GRIK4: variants seen among roughly 807,000 people sequenced by gnomAD.
GRIK4 encodes the protein glutamate ionotropic receptor kainate type subunit 4.
A neutral mutation model predicts 104.9 loss-of-function variants in GRIK4; 40 were observed. The ratio of observed to expected loss-of-function variants is 0.38; its 90% CI spans 0.30 to 0.50. GRIK4 has a LOEUF of 0.50. GRIK4 is among the 20% of genes least tolerant of loss of function. The pLI, the probability that GRIK4 is intolerant of heterozygous loss-of-function variation, is 0.93. For synonymous variants in GRIK4, 485 were observed against 524.9 expected (o/e 0.92, Z 1.04); for missense variants, 1,047 against 1,308.1 (o/e 0.80, Z 3.08).
At chr11:120,744,497 T>C (rs1398202640) in intron 3 of GRIK4, among the ~76,000 whole-genome samples, 2 of 152,198 alleles carry the variant, frequency 1.3e-5, no homozygotes, top group Non-Finnish European at 2.9e-5. Context: ...ACAGGAGTAA[T>C]GTTGACTGCC....
chr11:120,611,003 C>T (rs536597639), intron 1 of GRIK4, among the ~76,000 whole-genome samples: 5 of 152,276 alleles, frequency 3.3e-5, no homozygotes, highest in African/African-American at 7.2e-5. Context: ...CATGTCCTGT[C>T]GTTTTCAACA....
chr11:120,733,351 G>GC (rs1951170792), intron 3 of GRIK4, among the ~76,000 whole-genome samples: 1 of 121,936 alleles, frequency 8.2e-6, no homozygotes, highest in South Asian at 3.2e-4. Context: ...AATTACTCCT[G>GC]CCATTTTGTT....
intron 3 of GRIK4, among the ~76,000 whole-genome samples, chr11:120,738,511 G>C (rs896471685): frequency 2.6e-5 from 4 of 152,224 alleles, no homozygotes; most frequent in Non-Finnish European, 5.9e-5. Flanking sequence ...TACATGGTGT[G>C]TTCTGCTGAA....
intron 13 of GRIK4, among the ~76,000 whole-genome samples, chr11:120,912,980 T>C (rs1451371512): frequency 6.6e-6 from 1 of 152,178 alleles, no homozygotes; most frequent in Non-Finnish European, 1.5e-5. Flanking sequence ...CAGGCAAGTA[T>C]CTGTCTGGGC....
At chr11:120,523,326 G>C (rs116379846) in intron 1 of GRIK4, among the ~76,000 whole-genome samples, 1 of 151,912 alleles carries the variant, frequency 6.6e-6, no homozygotes, top group Admixed American at 6.6e-5. Flanking sequence ...TCTGAGTAGC[G>C]GAAGTCAGCT....
intron 1 of GRIK4, among the ~76,000 whole-genome samples, chr11:120,587,223 G>A (rs1948677280): frequency 6.6e-6 from 1 of 152,230 alleles, no homozygotes; most frequent in Admixed American, 6.5e-5. Flanking sequence ...AAGGGGAACT[G>A]GAATGAAAAG....
intron 3 of GRIK4, among the ~76,000 whole-genome samples, chr11:120,701,895 T>A (rs992069662): frequency 6.6e-6 from 1 of 151,364 alleles, no homozygotes; most frequent in Non-Finnish European, 1.5e-5. Context: ...AATTTCTTGA[T>A]GGTCTGGATA....
At chr11:120,585,781 C>G (rs1420500551) in intron 1 of GRIK4, among the ~76,000 whole-genome samples, 3 of 149,744 alleles carry the variant, frequency 2.0e-5, no homozygotes, top group Non-Finnish European at 4.4e-5. Flanking sequence ...GTTGAAAAGT[C>G]TATCCTTCCT....
chr11:120,621,312 C>T (rs1207395513), intron 1 of GRIK4, among the ~76,000 whole-genome samples: 1 of 152,122 alleles, frequency 6.6e-6, no homozygotes, highest in African/African-American at 2.4e-5. Context: ...CCTGCAAGGC[C>T]CCCTGCTAGA....
At chr11:120,543,442 G>T (rs544738519) in intron 1 of GRIK4, among the ~76,000 whole-genome samples, 1 of 152,136 alleles carries the variant, frequency 6.6e-6, no homozygotes, top group South Asian at 2.1e-4. Context: ...CGGGGATGGT[G>T]GTGTGTGCCT....
chr11:120,898,351 G>T (rs527815290), intron 11 of GRIK4, among the ~76,000 whole-genome samples, 181 bp from the exon 12 acceptor site: 1 of 140,184 alleles, frequency 7.1e-6, no homozygotes, highest in African/African-American at 2.7e-5. Flanking sequence ...TACAGCCCCC[G>T]TTTCCCTCAG....
At position 120,905,914 on chromosome 11, in the gene GRIK4, C is replaced by T. The variant is rs945347344; in HGVS notation, c.1476+421C>T. ...CCTTGAGAGACACTGCCAAGGGAGA[C>T]GTGGCTAAATAACAGGGCAAAGGGA... On this transcript the variant is annotated intron_variant, in intron 13 of 20. Coordinates refer to ENST00000527524, the MANE Select transcript of GRIK4 (RefSeq NM_014619.5). This position sits in a 1 kb window ranked among gnomAD's most constrained non-coding sequence, Gnocchi z 5.1. Among the ~76,000 whole-genome samples, 2 of 152,206 alleles carry T rather than the reference C, an allele frequency of 1.3e-5. No individual in the cohort carries two copies. Among genetic ancestry groups the T allele is most frequent in the African/African-American group, 4.8e-5 (2 of 41,448 alleles).
At chr11:120,803,622 G>A (rs1325849747) in intron 4 of GRIK4, among the ~76,000 whole-genome samples, 2 of 152,172 alleles carry the variant, frequency 1.3e-5, no homozygotes, top group Non-Finnish European at 2.9e-5. Flanking sequence ...ATTTTTAGGA[G>A]AGATGGGGTT....
chr11:120,714,135 G>C (rs772816521), intron 3 of GRIK4, among the ~76,000 whole-genome samples: 5 of 152,176 alleles, frequency 3.3e-5, no homozygotes, highest in Non-Finnish European at 7.3e-5. Context: ...TGAGGACTTA[G>C]CTGTGTTGAG....
At chr11:120,974,280 G>C (rs141486023) in intron 19 of GRIK4, among the ~76,000 whole-genome samples, 168 of 152,278 alleles carry the variant, frequency 1.1e-3, no homozygotes, top group African/African-American at 3.9e-3. Flanking sequence ...ACTGAACAGA[G>C]GGCAGTAGTT....
At chr11:120,684,500 C>A (rs182939197) in intron 3 of GRIK4, among the ~76,000 whole-genome samples, 1 of 152,138 alleles carries the variant, frequency 6.6e-6, no homozygotes, top group African/African-American at 2.4e-5. Context: ...GGAGACAATA[C>A]GAACACACAT....
At chr11:120,824,097 C>T (rs1953193156) in intron 6 of GRIK4, among the ~76,000 whole-genome samples, 1 of 152,266 alleles carries the variant, frequency 6.6e-6, no homozygotes, top group South Asian at 2.1e-4. Context: ...ATTTTCCAGC[C>T]ATGAAAATTA....
rs548159583 is a variant in GRIK4, at chr11:120,785,787, A to G, written c.83-16906A>G. On this transcript the variant is annotated intron_variant, in intron 3 of 20. Coordinates refer to ENST00000527524, the MANE Select transcript of GRIK4 (RefSeq NM_014619.5). ...TTCTCTGCAGCGCCTGAGCAGCTTG[A>G]TTCTGTGCATGCCTCCGCGTCTCCA... is the stretch of plus-strand genomic sequence containing the variant. Among the ~76,000 whole-genome samples, 234 of 152,212 alleles carry G rather than the reference A, an allele frequency of 1.5e-3. 1 individual carries two copies. The highest frequency in any genetic ancestry group is 5.4e-3 in the African/African-American group (223 of 41,516).
intron 3 of GRIK4, among the ~76,000 whole-genome samples, chr11:120,661,605 A>G (rs573505492): frequency 6.6e-6 from 1 of 152,320 alleles, no homozygotes; most frequent in Admixed American, 6.5e-5. Context: ...TGTGCTGGTG[A>G]TGGTCAGGAG....
Sources: allele counts gnomAD v4.1 joint callset (sites outside exome capture counted in the v4.1 genomes callset), GRCh38; gene constraint gnomAD v4.1.1; non-coding constraint Gnocchi (gnomAD v3.1); transcripts MANE v1.5; gene names NCBI Gene and HGNC (gene_info 2026-07-23, HGNC 2026-07-21).